MTCL2: variants seen among roughly 807,000 people sequenced by gnomAD.
The protein encoded by MTCL2 is microtubule crosslinking factor 2, also known as microtubule cross-linking factor 2.
At chr20:36,860,915 G>A in the MTCL2 span, among the ~76,000 whole-genome samples, 2 of 152,156 alleles carry the variant, frequency 1.3e-5, no homozygotes, top group African/African-American at 2.4e-5. Context: ...GTGAGATCCC[G>A]GGCTCAACCC....
chr20:36,821,044 T>C, the MTCL2 span, among the ~76,000 whole-genome samples: 1 of 152,148 alleles, frequency 6.6e-6, no homozygotes, highest in African/African-American at 2.4e-5. Flanking sequence ...AGTTGCATGG[T>C]TCAACATTCA....
the MTCL2 span, among the ~76,000 whole-genome samples, chr20:36,838,694 G>A: frequency 6.6e-6 from 1 of 151,242 alleles, no homozygotes; most frequent in Non-Finnish European, 1.5e-5. Flanking sequence ...TCAGCCAGGC[G>A]CAGTGGCTCA....
chr20:36,816,960 G>A, the MTCL2 span, among the ~76,000 whole-genome samples: 2 of 152,256 alleles, frequency 1.3e-5, no homozygotes, highest in South Asian at 4.2e-4. Flanking sequence ...AAAGTGGGCA[G>A]TGAAACTAAG....
chr20:36,791,324 C>T, the MTCL2 span, among the ~76,000 whole-genome samples: 5 of 152,288 alleles, frequency 3.3e-5, no homozygotes, highest in East Asian at 1.9e-4. Context: ...TGAGCCACCG[C>T]GCCCGGCCAC....
At chr20:36,863,485 C>T in the MTCL2 span, 1 of 543,216 alleles carries the variant, frequency 1.8e-6, no homozygotes, top group Non-Finnish European at 2.5e-6. This position sits in a 1 kb window ranked among gnomAD's most constrained non-coding sequence, Gnocchi z 6.2. Context: ...ACACCGCGTC[C>T]CCGTCCCAAG....
At chr20:36,778,845 G>A in the MTCL2 span, 1 of 152,308 alleles carries the variant, frequency 6.6e-6, no homozygotes, top group Non-Finnish European at 1.5e-5. Flanking sequence ...CCAGACCTGG[G>A]CCAGGTTTCC....
chr20:36,855,126 G>A, the MTCL2 span, among the ~76,000 whole-genome samples: 10 of 152,332 alleles, frequency 6.6e-5, no homozygotes, highest in South Asian at 4.1e-4. Flanking sequence ...ACAGGCAAGC[G>A]CCAAGTGCTG....
chr20:36,863,286 G>A, the MTCL2 span: 1 of 1,189,144 alleles, frequency 8.4e-7, no homozygotes, highest in Non-Finnish European at 1.0e-6. This position sits in a 1 kb window ranked among gnomAD's most constrained non-coding sequence, Gnocchi z 6.2. Flanking sequence ...AGGCGCGGGT[G>A]CAGGCGCGGG....
the MTCL2 span, among the ~76,000 whole-genome samples, chr20:36,833,095 C>T: frequency 2.6e-5 from 4 of 152,234 alleles, no homozygotes; most frequent in East Asian, 1.9e-4. Context: ...CAAGGTCACA[C>T]AGCTAGGAAG....
chr20:36,853,837 C>G, the MTCL2 span, among the ~76,000 whole-genome samples: 1 of 152,052 alleles, frequency 6.6e-6, no homozygotes, highest in Admixed American at 6.5e-5. Flanking sequence ...CCTGGCAGAG[C>G]AGGGAGATAT....
chr20:36,805,852 C>A, the MTCL2 span: 1 of 1,605,770 alleles, frequency 6.2e-7, no homozygotes, highest in South Asian at 1.1e-5. Flanking sequence ...TGGAAACACA[C>A]CGTGTTCTGG....
the MTCL2 span, among the ~76,000 whole-genome samples, chr20:36,849,742 T>G: frequency 6.6e-6 from 1 of 152,210 alleles, no homozygotes; most frequent in Non-Finnish European, 1.5e-5. Flanking sequence ...GTTTGTACAC[T>G]GAGGACAGCG....
At chr20:36,856,436 G>C in the MTCL2 span, among the ~76,000 whole-genome samples, 1 of 152,250 alleles carries the variant, frequency 6.6e-6, no homozygotes, top group Non-Finnish European at 1.5e-5. Context: ...AAGGGAACAG[G>C]GGGAGAAGGG....
chr20:36,789,886 G>A, the MTCL2 span, among the ~76,000 whole-genome samples: 357 of 152,012 alleles, frequency 2.3e-3, 2 homozygotes, highest in African/African-American at 8.3e-3. Context: ...GCAGTGGTGC[G>A]ATATTGGCTC....
chr20:36,797,493 C>T, the MTCL2 span: 29 of 1,552,940 alleles, frequency 1.9e-5, no homozygotes, highest in East Asian at 9.7e-5. Flanking sequence ...CAGCAGCCGC[C>T]CCACTCACCT....
At chr20:36,804,237 G>A in the MTCL2 span, among the ~76,000 whole-genome samples, 46 of 152,296 alleles carry the variant, frequency 3.0e-4, 1 homozygote, top group African/African-American at 9.6e-4. Context: ...TTCTCTCTGA[G>A]TGGGAAGAAG....
At chr20:36,786,030 G>A in the MTCL2 span, 2 of 986,364 alleles carry the variant, frequency 2.0e-6, no homozygotes, top group Non-Finnish European at 2.4e-6. Flanking sequence ...AGCAAAGCCT[G>A]TTCTTCTCAG....
the MTCL2 span, among the ~76,000 whole-genome samples, chr20:36,814,843 C>T: frequency 2.0e-5 from 3 of 152,036 alleles, no homozygotes; most frequent in East Asian, 1.9e-4. Context: ...GCCGAGATTG[C>T]GCCACTGCAT....
chr20:36,833,188 G>A, the MTCL2 span, among the ~76,000 whole-genome samples: 60 of 152,236 alleles, frequency 3.9e-4, 2 homozygotes, highest in South Asian at 0.012. Context: ...GGCCCAATGC[G>A]TGAAAACACA....
Sources: gnomAD v4.1 joint callset for allele counts (sites outside exome capture counted in the v4.1 genomes callset) on GRCh38, gnomAD v4.1.1 for gene constraint, Gnocchi (gnomAD v3.1) non-coding constraint, MANE v1.5 for transcripts, NCBI Gene and HGNC (gene_info 2026-07-23, HGNC 2026-07-21) for gene names.